ASTE1: variants seen among roughly 807,000 people sequenced by gnomAD.
ASTE1 encodes the protein asteroid structure-specific endonuclease 1.
A neutral mutation model predicts 45.8 loss-of-function variants in ASTE1; 49 were observed. The observed-to-expected ratio is 1.07, with a 90% confidence interval of 0.85 to 1.36. The LOEUF is 1.36. ASTE1 is among the 40% of genes most tolerant of loss of function. The pLI is 0.00. For synonymous variants in ASTE1, 296 were observed against 303.9 expected (o/e 0.97, Z 0.27); for missense variants, 709 against 804.0 (o/e 0.88, Z 1.43).
At position 131,017,842 on chromosome 3, in the gene ASTE1, C is replaced by T. The variant is rs987885636; in HGVS notation, c.1513+664G>A. Among the ~76,000 whole-genome samples, 11 of 151,688 alleles carry T rather than the reference C, an allele frequency of 7.3e-5. 1 individual carries two copies. The highest frequency in any genetic ancestry group is 2.9e-5 in the Non-Finnish European group (2 of 67,916). On this transcript the variant is annotated intron_variant, in intron 4 of 5. Transcript: ENST00000264992. ...AAAATTAGCTGGGCGCGGTGACAGG[C>T]ACCTGTAATCCCAGCTACTCGGAAG...
chr3:131,025,395 C>A, intron 2 of ASTE1, 64 bp from the exon 3 acceptor site: 1 of 1,519,382 alleles, frequency 6.6e-7, no homozygotes. Context: ...GTCATTGCTT[C>A]CAGCACCATT....
At chr3:131,014,660 G>C (rs1269975121) in intron 5 of ASTE1, among the ~76,000 whole-genome samples, 1 of 152,150 alleles carries the variant, frequency 6.6e-6, no homozygotes, top group Non-Finnish European at 1.5e-5. Context: ...AGACTGAGCA[G>C]GTGTCTTTAA....
chr3:131,016,241 T>C lies in ASTE1; in HGVS notation c.1612A>G (p.Thr538Ala). 6.2e-7 allele frequency: 1 copy of C among 1,614,172 alleles called. No individual in the cohort carries two copies. Among genetic ancestry groups the C allele is most frequent in the African/African-American group, 1.3e-5 (1 of 75,052 alleles). The stretch of plus-strand genomic sequence containing the variant: ...TGCCACTGACAGAAGATGTGAGCTG[T>C]GTCTAAGTCCAGTCTTGTGCCCAGC... Reference protein sequence around the residue: ...TRLGTRLDLDTAHIFCQWQSC... With the variant: ...TRLGTRLDLDAAHIFCQWQSC... The change falls in exon 5 of 6, where the codon ACA becomes GCA. Residue 538 changes from threonine to alanine, a missense_variant. Thr to Ala is a moderately conservative substitution (Grantham distance 58, BLOSUM62 0). Transcript: ENST00000264992.
Position 131,024,901 on chromosome 3 carries a change from G to A in ASTE1, c.406C>T (p.Gln136Ter), listed in dbSNP as rs1181200682. 5.6e-6 allele frequency: 9 copies of A among 1,614,082 alleles called. No homozygotes were observed. In the Admixed American group the frequency reaches 1.5e-4, roughly 27 times the overall value. The change falls in exon 3 of 6, where the codon CAG (glutamine) becomes TAG (stop). Residue 136 changes from glutamine to a stop codon, truncating the protein, a stop_gained. Coordinates refer to ENST00000264992, the MANE Select transcript of ASTE1 (RefSeq NM_014065.4). LOFTEE classifies it high-confidence loss of function. ...VLIKLRVCFV[Q>*]CFSEADRDIM... is the part of the protein sequence containing the mutation. ...TCCCGATCTGCTTCTGAAAAGCACT[G>A]GACAAAACACACCCGCAGCTTGATC...
At chr3:131,015,446 T>C (rs2063571874) in intron 5 of ASTE1, among the ~76,000 whole-genome samples, 1 of 152,234 alleles carries the variant, frequency 6.6e-6, no homozygotes, top group African/African-American at 2.4e-5. Flanking sequence ...ACCCTACTGC[T>C]GCTGTCACTT....
intron 3 of ASTE1, among the ~76,000 whole-genome samples, chr3:131,022,172 T>C (rs1053207798): frequency 5.9e-5 from 9 of 152,204 alleles, no homozygotes; most frequent in African/African-American, 2.2e-4. Flanking sequence ...GTCTTGTAAG[T>C]AGGATGTCCC....
chr3:131,020,540 C>G (rs1042054433), intron 3 of ASTE1, among the ~76,000 whole-genome samples: 3 of 151,936 alleles, frequency 2.0e-5, no homozygotes, highest in Non-Finnish European at 2.9e-5. Flanking sequence ...GAAACCCTAT[C>G]CCATGTGGTT....
At position 131,014,187 on chromosome 3, in the gene ASTE1, T is replaced by C; in HGVS notation, c.1910A>G (p.Asn637Ser). ...CCCTCTGTTCTTAGAACAGCTGGTA[T>C]TCTGTTTCTTCTGCCTTTTTTTTTT... ...NSKKKRQKKQ[N>S]TSCSKNRGRT... Residue 637 changes from asparagine to serine, a missense_variant, in exon 6 of 6, where the codon AAT (asparagine) becomes AGT (serine). Physicochemically the swap from Asn to Ser is conservative, Grantham distance 46. Transcript: ENST00000264992. The C allele has an allele frequency of 6.2e-7, 1 of 1,614,018 alleles. No homozygotes were observed. Among genetic ancestry groups the C allele is most frequent in the Non-Finnish European group, 8.5e-7 (1 of 1,179,972 alleles).
At chr3:131,023,872 T>C (rs2063773913) in intron 3 of ASTE1, 133 bp downstream of exon 3, 1 of 919,938 alleles carries the variant, frequency 1.1e-6, no homozygotes, top group Non-Finnish European at 1.6e-6. Flanking sequence ...TCTAGATTTC[T>C]TAGCTACGAC....
intron 5 of ASTE1, 61 bp from the exon 6 acceptor site, chr3:131,014,448 A>G (rs764402242): frequency 2.8e-5 from 41 of 1,461,750 alleles, no homozygotes; most frequent in East Asian, 9.2e-5. Flanking sequence ...CAGGATAACT[A>G]CCATTGACAT....
intron 4 of ASTE1, chr3:131,016,656 T>G: frequency 2.7e-6 from 1 of 365,562 alleles, no homozygotes; most frequent in Non-Finnish European, 5.1e-6. Flanking sequence ...TCTGTGTCTA[T>G]GAAAAATACA....
chr3:131,025,077 A>G lies in ASTE1; in HGVS notation c.230T>C (p.Val77Ala). The G allele has an allele frequency of 3.1e-6, 5 of 1,612,692 alleles. No individual in the cohort carries two copies. The highest frequency in any genetic ancestry group is 4.2e-6 in the Non-Finnish European group (5 of 1,179,252). Residue 77 changes from valine (V) to alanine (A), a missense_variant, in exon 3 of 6, where the codon GTA becomes GCA. Transcript: ENST00000264992. Reference sequence around the variant, plus strand: ...TGAAATGTCACATCCTCCATCTAATACAACATATGGGCATATATTACAAGC... The same window carrying G: ...TGAAATGTCACATCCTCCATCTAATGCAACATATGGGCATATATTACAAGC... ...LFACNICPYV[V>A]LDGGCDISDK...
intron 5 of ASTE1, among the ~76,000 whole-genome samples, chr3:131,015,753 A>C (rs1047859219): frequency 1.8e-4 from 27 of 152,304 alleles, no homozygotes; most frequent in African/African-American, 6.3e-4. Context: ...GACTAGAGTG[A>C]ATGAGGGTAG....
intron 3 of ASTE1, 48 bp from the exon 4 acceptor site, chr3:131,018,764 G>T: frequency 6.4e-7 from 1 of 1,574,778 alleles, no homozygotes; most frequent in African/African-American, 1.3e-5. Flanking sequence ...GGAAATGTCT[G>T]TTATTTCTTT....
chr3:131,015,903 T>C, intron 5 of ASTE1: 1 of 620,856 alleles, frequency 1.6e-6, no homozygotes, highest in Non-Finnish European at 2.9e-6. Context: ...TTAAAGGAAC[T>C]GATTTTTTAA....
In ASTE1 at chr3:131,024,281, G is replaced by A; in HGVS notation, c.1026C>T (p.Ile342=). 6.2e-7 allele frequency: 1 copy of A among 1,614,216 alleles called. No individual in the cohort carries two copies. The change falls in exon 3 of 6, where the codon ATC becomes ATT. Residue 342 remains isoleucine, a synonymous_variant. Transcript: ENST00000264992. The stretch of plus-strand genomic sequence containing the variant: ...TCCGTCTTAGGACCAAAGCATCACT[G>A]ATGAAAGGAGATAGCTGGCCTTTAG... ...ALAKGQLSPF[I]SDALVLRRTI...
At chr3:131,021,155 G>A (rs2063737338) in intron 3 of ASTE1, among the ~76,000 whole-genome samples, 1 of 152,072 alleles carries the variant, frequency 6.6e-6, no homozygotes, top group African/African-American at 2.4e-5. Flanking sequence ...ATACTAAAGA[G>A]TGAATAAACA....
chr3:131,024,635 A>T lies in ASTE1; in HGVS notation c.672T>A (p.Asn224Lys), dbSNP rs1441147190. The change falls in exon 3 of 6, where the codon AAT (asparagine) becomes AAA (lysine). Residue 224 changes from asparagine (N) to lysine (K), a missense_variant. Physicochemically the swap from Asn to Lys is moderately conservative, Grantham distance 94. Coordinates refer to ENST00000264992, the MANE Select transcript of ASTE1 (RefSeq NM_014065.4). Reference protein sequence around the residue: ...LLPLFAVLCGNDHVNLPIMET... With the variant: ...LLPLFAVLCGKDHVNLPIMET... ...CCATGATGGGTAGATTAACATGGTC[A>T]TTTCCACATAGCACCGCAAAGAGAG... 1 of 1,600,722 alleles carries T rather than the reference A, an allele frequency of 6.2e-7. No homozygotes were observed. Among genetic ancestry groups the T allele is most frequent in the Non-Finnish European group, 8.5e-7 (1 of 1,173,214 alleles).
At position 131,024,496 on chromosome 3, in the gene ASTE1, C is replaced by T. The variant is rs2063782440; in HGVS notation, c.811G>A (p.Glu271Lys). 7 of 1,613,936 alleles carry T rather than the reference C, an allele frequency of 4.3e-6. No homozygotes were observed. The highest frequency in any genetic ancestry group is 2.2e-5 in the East Asian group (1 of 44,892). Residue 271 changes from glutamate (E) to lysine (K), a missense_variant, in exon 3 of 6, where the codon GAA becomes AAA. Glu to Lys is a moderately conservative substitution (Grantham distance 56). Coordinates refer to ENST00000264992, the MANE Select transcript of ASTE1 (RefSeq NM_014065.4). Reference sequence around the variant, plus strand: ...TATTTCAGAACATTATCTAGTGCTTCGGTAGGGTTGGCAAAATGAGACAAC... The same window carrying T: ...TATTTCAGAACATTATCTAGTGCTTTGGTAGGGTTGGCAAAATGAGACAAC... ...NWLSHFANPT[E>K]ALDNVLKYLP...
Sources: gnomAD v4.1 joint callset for allele counts (sites outside exome capture counted in the v4.1 genomes callset) on GRCh38, gnomAD v4.1.1 for gene constraint, MANE v1.5 for transcripts, NCBI Gene and HGNC (gene_info 2026-07-23, HGNC 2026-07-21) for gene names.